H2BC18: variants seen among roughly 807,000 people sequenced by gnomAD.
H2BC18 encodes H2B clustered histone 18, also known as histone H2B type 2-F.
H2BC18 carries 8 observed loss-of-function variants against 6.3 expected under a neutral mutation model. That is an observed-to-expected ratio of 1.28 (90% confidence interval 0.75 to 2.31). The LOEUF (loss-of-function observed/expected upper bound fraction) is 2.31. H2BC18 is among the 30% of genes most tolerant of loss of function. H2BC18 has a pLI of 0.00. For synonymous variants in H2BC18, 104 were observed against 78.1 expected, an observed-to-expected ratio of 1.33 and a Z score of -1.75; for missense variants, 106 against 174.5, an observed-to-expected ratio of 0.61 and a Z score of 2.21.
At chr1:149,784,927 T>C (rs587698142) in intron 1 of H2BC18, among the ~76,000 whole-genome samples, 1 of 152,030 alleles carries the variant, frequency 6.6e-6, no homozygotes, top group African/African-American at 2.4e-5. Flanking sequence ...CTCTTTTGAT[T>C]TTACAAGCAT....
intron 1 of H2BC18, among the ~76,000 whole-genome samples, chr1:149,785,104 G>T (rs1419074034): frequency 2.0e-5 from 3 of 152,212 alleles, no homozygotes; most frequent in African/African-American, 7.2e-5. Flanking sequence ...AAGAGATGGA[G>T]ACTGCAATAT....
intron 1 of H2BC18, chr1:149,784,243 T>G: frequency 1.2e-6 from 2 of 1,611,008 alleles, no homozygotes; most frequent in Non-Finnish European, 1.7e-6. Context: ...CCCATACAGC[T>G]GGAAATCCAC....
intron 1 of H2BC18, chr1:149,805,500 T>C (rs1553753796): frequency 6.6e-6 from 1 of 152,214 alleles, no homozygotes; most frequent in Non-Finnish European, 1.5e-5. Flanking sequence ...TAAACTGGTA[T>C]GTGGACCTCG....
rs368206816 is a variant in H2BC18, at chr1:149,812,078, C to A, written c.246G>T (p.Ala82=). 12 of 1,614,252 alleles carry A rather than the reference C, an allele frequency of 7.4e-6. No individual in the cohort carries two copies. The highest frequency in any genetic ancestry group is 1.0e-5 in the Non-Finnish European group (12 of 1,180,052). The change falls in exon 1 of 1, where the codon GCG becomes GCT. Residue 82 remains alanine, a synonymous_variant. Transcript: ENST00000369167. ...TGATGGTGGAGCGCTTGTTGTAGTGCGCCAGGCGGGACGCCTCTCCCGCGA... is the reference window on the plus strand; with the variant it reads ...TGATGGTGGAGCGCTTGTTGTAGTGAGCCAGGCGGGACGCCTCTCCCGCGA... ...ERIAGEASRL[A]HYNKRSTITS...
intron 1 of H2BC18, among the ~76,000 whole-genome samples, chr1:149,797,714 C>T (rs782268134): frequency 2.0e-5 from 3 of 152,158 alleles, no homozygotes; most frequent in Non-Finnish European, 4.4e-5. Flanking sequence ...CCTCCTGCCT[C>T]GGCCTCCCTA....
chr1:149,799,294 A>G (rs1365585605), intron 1 of H2BC18, among the ~76,000 whole-genome samples: 3 of 151,930 alleles, frequency 2.0e-5, no homozygotes, highest in African/African-American at 4.8e-5. Context: ...AGCCCAAATG[A>G]GTTGGATGTA....
At chr1:149,798,939 A>G (rs1337769045) in intron 1 of H2BC18, among the ~76,000 whole-genome samples, 2 of 149,928 alleles carry the variant, frequency 1.3e-5, no homozygotes, top group Non-Finnish European at 3.0e-5. Context: ...TACAGTAATA[A>G]TATCTATATC....
intron 1 of H2BC18, among the ~76,000 whole-genome samples, chr1:149,795,296 A>AAATGAATG (rs1299604637): frequency 1.4e-5 from 2 of 146,478 alleles, no homozygotes; most frequent in East Asian, 2.0e-4. Flanking sequence ...ATAAATAAAT[A>AAATGAATG]AATGATTATT....
chr1:149,785,290 T>C lies in H2BC18; in HGVS notation c.378-2030A>G, dbSNP rs1240853529. ...GGTTGCTGTTAGAGGAAATGTGTTT[T>C]AGCCAAGGAAATGTTGAGAATGTCT... On this transcript the variant is annotated intron_variant, in intron 1 of 1. Coordinates refer to the H2BC18 transcript ENST00000545683. 3.3e-5 allele frequency among the ~76,000 whole-genome samples: 5 copies of C among 152,168 alleles called. No homozygotes were observed. In the South Asian group the frequency reaches 8.3e-4, roughly 25 times the overall value.
intron 1 of H2BC18, among the ~76,000 whole-genome samples, chr1:149,802,334 A>G (rs1396037604): frequency 1.3e-5 from 2 of 152,180 alleles, no homozygotes; most frequent in Non-Finnish European, 2.9e-5. Context: ...AACTAATCCT[A>G]TGGCTAATAT....
At chr1:149,799,562 C>A (rs1383659862) in intron 1 of H2BC18, among the ~76,000 whole-genome samples, 1 of 152,092 alleles carries the variant, frequency 6.6e-6, no homozygotes, top group Non-Finnish European at 1.5e-5. Flanking sequence ...ATTGGCAAAT[C>A]TTACTATTCA....
At chr1:149,790,744 A>G (rs1189329206) in intron 1 of H2BC18, among the ~76,000 whole-genome samples, 1 of 144,366 alleles carries the variant, frequency 6.9e-6, no homozygotes, top group Non-Finnish European at 1.5e-5. Context: ...AGTTCTTCCT[A>G]TCTGTTGTCA....
chr1:149,790,604 T>C (rs7368150), intron 1 of H2BC18, among the ~76,000 whole-genome samples: 5,328 of 144,436 alleles, frequency 0.037, 109 homozygotes, highest in East Asian at 0.086. Flanking sequence ...TCCTTCTTTT[T>C]TTCTCCTTCA....
At chr1:149,785,859 G>A (rs1268771294) in intron 1 of H2BC18, 9 of 151,816 alleles carry the variant, frequency 5.9e-5, no homozygotes, top group Non-Finnish European at 1.0e-4. Flanking sequence ...TAGGTTTTTT[G>A]CCTATTTTTG....
intron 1 of H2BC18, chr1:149,785,611 TACACAGACTCTAGGAC>T (rs2091527918): frequency 6.6e-6 from 1 of 151,880 alleles, no homozygotes; most frequent in South Asian, 2.1e-4. Context: ...TCTTTACCTC[TACACAGACTCTAGGAC>T]ACTCAGCATC....
At chr1:149,806,917 C>T (rs111680845), downstream of H2BC18, among the ~76,000 whole-genome samples, 38 of 152,136 alleles carry the variant, frequency 2.5e-4, no homozygotes, top group Middle Eastern at 0.017. Context: ...GGCCTTGATG[C>T]TGAAGCCATT....
Position 149,793,981 on chromosome 1 carries a change from T to G in H2BC18, c.378-10721A>C, listed in dbSNP as rs1165075540. The G allele has an allele frequency of 3.0e-6, 3 of 1,005,828 alleles. No homozygotes were observed. In the East Asian group the frequency reaches 1.8e-4, roughly 60 times the overall value. The allele number at this position is 1,005,828 out of a possible 1,614,324, so 62.3% of individuals were successfully genotyped here. On this transcript the variant is annotated intron_variant, in intron 1 of 1. Transcript: ENST00000545683. ...AGGATTAGCTAGACCTGCCCAGCGA[T>G]TCCAGCCCTGAGAACCAGACAGAAT...
intron 1 of H2BC18, chr1:149,786,380 T>C (rs1316495565): frequency 1.3e-5 from 2 of 152,176 alleles, no homozygotes; most frequent in African/African-American, 4.8e-5. Flanking sequence ...CTGTGGCTTT[T>C]CTTTTCACTA....
chr1:149,801,939 C>A (rs1255312654), intron 1 of H2BC18, among the ~76,000 whole-genome samples: 4 of 151,964 alleles, frequency 2.6e-5, no homozygotes, highest in Non-Finnish European at 4.4e-5. Flanking sequence ...CACTTTCCCC[C>A]ACAAACACAT....
Sources: allele counts gnomAD v4.1 joint callset (sites outside exome capture counted in the v4.1 genomes callset), GRCh38; gene constraint gnomAD v4.1.1; transcripts MANE v1.5; gene names NCBI Gene and HGNC (gene_info 2026-07-23, HGNC 2026-07-21).